The following NAALADL2 variants were observed in gnomAD, a reference collection of about 807,000 sequenced individuals.
NAALADL2 encodes inactive N-acetylated-alpha-linked acidic dipeptidase-like protein 2.
In NAALADL2, 76 loss-of-function variants were observed where a neutral mutation model predicts 87.2. The observed-to-expected ratio is 0.87, with a 90% CI of 0.72 to 1.05. The LOEUF (loss-of-function observed/expected upper bound fraction) is 1.05. Ranked by LOEUF, NAALADL2 falls within the 50% of genes least tolerant of loss-of-function variation. The probability of loss-of-function intolerance (pLI) is 0.00; values close to 1 mark genes in which losing one functional copy is unlikely to be tolerated. For synonymous variants in NAALADL2, 354 were observed against 331.0 expected (o/e 1.07, Z -0.75); for missense variants, 1,089 against 945.8 (o/e 1.15, Z -1.99).
chr3:175,710,107 T>C (rs1740321219), intron 11 of NAALADL2, among the ~76,000 whole-genome samples: 1 of 151,918 alleles, frequency 6.6e-6, no homozygotes, highest in Admixed American at 6.6e-5. Context: ...GAAGAGATAT[T>C]AAAGGCTTGG....
intron 2 of NAALADL2, among the ~76,000 whole-genome samples, chr3:174,698,746 C>A (rs978827289): frequency 1.5e-5 from 2 of 133,198 alleles, no homozygotes; most frequent in African/African-American, 6.6e-5. Context: ...CGCCTTTAGT[C>A]CCAGCTACTT....
intron 1 of NAALADL2, among the ~76,000 whole-genome samples, chr3:174,962,789 T>C (rs912841334): frequency 2.0e-5 from 3 of 152,076 alleles, no homozygotes; most frequent in Non-Finnish European, 4.4e-5. Context: ...AAAGTTTTCC[T>C]TGGACAAATA....
intron 4 of NAALADL2, among the ~76,000 whole-genome samples, chr3:175,281,421 G>T (rs992240006): frequency 9.9e-5 from 15 of 151,764 alleles, no homozygotes; most frequent in Admixed American, 2.0e-4. Flanking sequence ...TAGATAATAG[G>T]CTAAAACACC....
chr3:174,538,101 G>A (rs1515603), intron 1 of NAALADL2, among the ~76,000 whole-genome samples: 32,917 of 151,980 alleles, frequency 0.22, 5,175 homozygotes, highest in East Asian at 0.53. Context: ...GGCTCCCTCA[G>A]AGGTTGACTA....
chr3:175,036,492 C>A (rs1753423484), intron 1 of NAALADL2, among the ~76,000 whole-genome samples: 1 of 151,902 alleles, frequency 6.6e-6, no homozygotes, highest in South Asian at 2.1e-4. Context: ...CTCTGCCTCC[C>A]AGGTTCACAC....
intron 1 of NAALADL2, among the ~76,000 whole-genome samples, chr3:174,944,950 A>T (rs149198276): frequency 6.6e-6 from 1 of 152,208 alleles, no homozygotes; most frequent in Non-Finnish European, 1.5e-5. Flanking sequence ...GTCCTTGATG[A>T]GTACTGGATG....
rs1221490086 is a variant in NAALADL2, at chr3:175,467,507, G to A, written c.1533+323G>A. Among the ~76,000 whole-genome samples, 3 of 152,224 alleles carry A rather than the reference G, an allele frequency of 2.0e-5. No homozygotes were observed. In the South Asian group the frequency reaches 6.2e-4, roughly 32 times the overall value. ...GGCACTGGACAAAAAAGGATCAGATGATACTTATTATTTTTCTTTTTCTAC... is the reference window on the plus strand; with the variant it reads ...GGCACTGGACAAAAAAGGATCAGATAATACTTATTATTTTTCTTTTTCTAC... On this transcript the variant is annotated intron_variant, in intron 8 of 13. Transcript: ENST00000454872.
rs943514790 is a variant in NAALADL2, at chr3:175,068,742, T to A, written c.44-28048T>A. 3.6e-4 allele frequency among the ~76,000 whole-genome samples: 55 copies of A among 152,152 alleles called. 1 individual carries two copies. Among genetic ancestry groups the A allele is most frequent in the Admixed American group, 5.9e-4 (9 of 15,244 alleles). On this transcript the variant is annotated intron_variant, in intron 1 of 13. Transcript: ENST00000454872. ...CCTGGAGATAAGATTTATAATTTAT[T>A]GGTTTGTAAACATTGGTCGAGTTAT...
At chr3:175,709,530 A>G (rs1389260383) in intron 11 of NAALADL2, among the ~76,000 whole-genome samples, 1 of 152,086 alleles carries the variant, frequency 6.6e-6, no homozygotes, top group Non-Finnish European at 1.5e-5. Flanking sequence ...GCCTGTGAAG[A>G]CCTCAGCCCC....
intron 2 of NAALADL2, among the ~76,000 whole-genome samples, chr3:175,222,009 C>T (rs10936829): frequency 0.88 from 133,108 of 151,912 alleles, 58,498 homozygotes; most frequent in Middle Eastern, 0.94. Flanking sequence ...CTCGAACTCC[C>T]GAGCTCAGGG....
rs115665278 is a variant in NAALADL2, at chr3:175,789,146, T to C, written c.2190-13859T>C. Among the ~76,000 whole-genome samples, 534 of 152,162 alleles carry C rather than the reference T, an allele frequency of 3.5e-3. 7 individuals are homozygous for C. The highest frequency in any genetic ancestry group is 0.012 in the African/African-American group (498 of 41,536). On this transcript the variant is annotated intron_variant, in intron 13 of 13. Transcript: ENST00000454872. ...TTTAAATTAACTGAAAACTCAACAA[T>C]CCCTTTGGAACTGAGATTGCTTTTG...
chr3:175,142,367 G>A (rs147308466), intron 2 of NAALADL2, among the ~76,000 whole-genome samples: 2 of 152,024 alleles, frequency 1.3e-5, no homozygotes, highest in Non-Finnish European at 2.9e-5. Flanking sequence ...ATCTATAGAC[G>A]TACTCCCCTG....
chr3:174,970,745 C>T (rs1368828252), intron 1 of NAALADL2, among the ~76,000 whole-genome samples: 1 of 152,088 alleles, frequency 6.6e-6, no homozygotes, highest in East Asian at 1.9e-4. Context: ...ATACTAGGCT[C>T]TTAATTTAAG....
intron 13 of NAALADL2, among the ~76,000 whole-genome samples, chr3:175,762,378 A>G (rs1452464390): frequency 6.6e-6 from 1 of 152,102 alleles, no homozygotes; most frequent in African/African-American, 2.4e-5. Flanking sequence ...TAACAATGAT[A>G]TTATAGGAGA....
At chr3:174,464,597 T>C (rs1435347424) in intron 1 of NAALADL2, among the ~76,000 whole-genome samples, 1 of 152,020 alleles carries the variant, frequency 6.6e-6, no homozygotes, top group African/African-American at 2.4e-5. Flanking sequence ...GTTATAATTA[T>C]GTTTTTATTT....
intron 9 of NAALADL2, among the ~76,000 whole-genome samples, chr3:175,481,335 CTGTGTGTGTGTG>C (rs3040504): frequency 6.9e-6 from 1 of 143,902 alleles, no homozygotes; most frequent in East Asian, 2.0e-4. Flanking sequence ...AACAATGCCA[CTGTGTGTGTGTG>C]TGTGTGTGTG....
intron 2 of NAALADL2, among the ~76,000 whole-genome samples, chr3:174,579,162 T>A (rs759637640): frequency 1.3e-4 from 20 of 152,012 alleles, no homozygotes; most frequent in Non-Finnish European, 2.7e-4. Context: ...AGCATTTTCT[T>A]ATAAAGTTAA....
At chr3:175,615,774 T>C (rs1271113019) in intron 10 of NAALADL2, among the ~76,000 whole-genome samples, 2 of 151,290 alleles carry the variant, frequency 1.3e-5, no homozygotes, top group Non-Finnish European at 2.9e-5. Flanking sequence ...GGAGAATCAC[T>C]TGAACTCAGG....
intron 1 of NAALADL2, among the ~76,000 whole-genome samples, chr3:174,446,394 T>A (rs1415632620): frequency 6.6e-6 from 1 of 152,160 alleles, no homozygotes; most frequent in Non-Finnish European, 1.5e-5. Context: ...TCTTTTACAA[T>A]CTTGGTATAT....
Sources: gnomAD v4.1 joint callset for allele counts (sites outside exome capture counted in the v4.1 genomes callset) on GRCh38, gnomAD v4.1.1 for gene constraint, MANE v1.5 for transcripts, NCBI Gene and HGNC (gene_info 2026-07-23, HGNC 2026-07-21) for gene names.